Variants in CXCL13 observed in about 807,000 individuals in gnomAD.
CXCL13 encodes the protein C-X-C motif chemokine 13.
Under a neutral mutation model 12.2 loss-of-function variants are expected in CXCL13, and 7 were observed. That is an observed-to-expected ratio of 0.57 (90% CI 0.33 to 1.07). CXCL13 has a LOEUF of 1.07. Ranked by LOEUF, CXCL13 falls within the 50% of genes least tolerant of loss-of-function variation. The pLI, the probability that CXCL13 is intolerant of heterozygous loss-of-function variation, is 0.04. For missense variants in CXCL13, 113 were observed against 127.4 expected (o/e 0.89, Z 0.55); for synonymous variants, 47 against 42.4 (o/e 1.11, Z -0.42).
At chr4:77,519,676 G>T (rs1042351906) in intron 1 of CXCL13, among the ~76,000 whole-genome samples, 3 of 152,110 alleles carry the variant, frequency 2.0e-5, no homozygotes, top group African/African-American at 4.8e-5. Context: ...CCTGTTCACT[G>T]TGATGGTAGT....
chr4:77,600,767 A>G (rs1292121576), intron 1 of CXCL13, among the ~76,000 whole-genome samples: 1 of 152,240 alleles, frequency 6.6e-6, no homozygotes, highest in Non-Finnish European at 1.5e-5. Flanking sequence ...CTCATGCCAG[A>G]GGACCAATAT....
chr4:77,580,308 C>CTTT lies in CXCL13; in HGVS notation c.-42-25481_-42-25479dup, dbSNP rs1015001550. 4.1e-3 allele frequency among the ~76,000 whole-genome samples: 73 copies of CTTT among 17,618 alleles called. 24 individuals are homozygous for CTTT. The highest frequency in any genetic ancestry group is 0.013 in the East Asian group (8 of 624). The allele number at this position is 17,618 out of a possible 152,430, so 11.6% of individuals were successfully genotyped here. A position where few individuals can be genotyped will look rare whatever the true frequency, so the allele number is the denominator to read the frequency against. On this transcript the variant is annotated intron_variant, in intron 1 of 4. Transcript: ENST00000286758. ...TTTTTTAAAAAGACAAGTTTTCTTT[C>CTTT]TTTTTTTTTTTTTTTTTTTTTTTTT...
At chr4:77,513,651 A>T (rs1417276173) in intron 1 of CXCL13, among the ~76,000 whole-genome samples, 1 of 151,842 alleles carries the variant, frequency 6.6e-6, no homozygotes, top group Non-Finnish European at 1.5e-5. Context: ...TCGGGGTTTT[A>T]CCATGTTAGC....
chr4:77,561,415 G>A (rs1725808981), intron 1 of CXCL13, among the ~76,000 whole-genome samples: 1 of 152,164 alleles, frequency 6.6e-6, no homozygotes, highest in Non-Finnish European at 1.5e-5. Context: ...CCTACCATGG[G>A]CCAGCCACAT....
intron 1 of CXCL13, among the ~76,000 whole-genome samples, chr4:77,584,608 T>C (rs1344534820): frequency 6.6e-6 from 1 of 152,222 alleles, no homozygotes; most frequent in Non-Finnish European, 1.5e-5. Flanking sequence ...ATAGAAGCCA[T>C]GGCTGAATTT....
chr4:77,539,860 G>A (rs1725159036), intron 1 of CXCL13, among the ~76,000 whole-genome samples: 1 of 152,062 alleles, frequency 6.6e-6, no homozygotes, highest in African/African-American at 2.4e-5. Flanking sequence ...GTGTGTGGTG[G>A]GGGTAGGGGG....
chr4:77,523,576 C>G (rs780661237), intron 1 of CXCL13, among the ~76,000 whole-genome samples: 24 of 152,192 alleles, frequency 1.6e-4, no homozygotes, highest in Non-Finnish European at 2.8e-4. Context: ...CATTTAATGT[C>G]TTCTCTACAC....
intron 1 of CXCL13, among the ~76,000 whole-genome samples, chr4:77,554,938 G>A (rs143809372): frequency 6.6e-5 from 10 of 151,754 alleles, no homozygotes; most frequent in Non-Finnish European, 1.3e-4. Flanking sequence ...CAGTGATTGG[G>A]GGAAATTTAG....
intron 1 of CXCL13, among the ~76,000 whole-genome samples, chr4:77,533,485 A>G (rs1215381913): frequency 6.6e-6 from 1 of 152,138 alleles, no homozygotes; most frequent in Non-Finnish European, 1.5e-5. Flanking sequence ...GGGGTCAGGG[A>G]CCCACTTGAG....
At chr4:77,518,288 T>A (rs1724479633) in intron 1 of CXCL13, among the ~76,000 whole-genome samples, 1 of 152,218 alleles carries the variant, frequency 6.6e-6, no homozygotes, top group Non-Finnish European at 1.5e-5. Context: ...GTTGCTGTTC[T>A]GGAGGAGTAT....
chr4:77,526,195 G>T (rs950222984), intron 1 of CXCL13, among the ~76,000 whole-genome samples: 23 of 151,336 alleles, frequency 1.5e-4, no homozygotes, highest in African/African-American at 5.1e-4. Context: ...TTTATTTTTT[G>T]GTTAATCAAA....
At chr4:77,523,888 G>T (rs548163205) in intron 1 of CXCL13, among the ~76,000 whole-genome samples, 1 of 152,248 alleles carries the variant, frequency 6.6e-6, no homozygotes, top group South Asian at 2.1e-4. Context: ...CTACAGATGG[G>T]GTTTTGGTGT....
chr4:77,533,797 A>G (rs1452809880), intron 1 of CXCL13, among the ~76,000 whole-genome samples: 1 of 152,184 alleles, frequency 6.6e-6, no homozygotes, highest in Non-Finnish European at 1.5e-5. Flanking sequence ...TGTGCTAGCC[A>G]TGAGCAAGGG....
At chr4:77,585,906 C>T (rs1206605204) in intron 1 of CXCL13, among the ~76,000 whole-genome samples, 3 of 152,154 alleles carry the variant, frequency 2.0e-5, no homozygotes, top group African/African-American at 4.8e-5. Context: ...TTTACCATCA[C>T]AAAGATAATT....
chr4:77,567,614 T>TA lies in CXCL13; in HGVS notation c.-42-38203dup, dbSNP rs142377145. Among the ~76,000 whole-genome samples, 692 of 152,092 alleles carry TA rather than the reference T, an allele frequency of 4.5e-3. 18 individuals are homozygous for TA. Among genetic ancestry groups the TA allele is most frequent in the East Asian group, 0.027 (137 of 5,166 alleles). On this transcript the variant is annotated intron_variant, in intron 1 of 4. Transcript: ENST00000286758. The stretch of plus-strand genomic sequence containing the variant: ...AACCCTCTGATAAAACAAGATGCAG[T>TA]AAAAAAAGCTGGCCAAAACCCACCA...
intron 1 of CXCL13, among the ~76,000 whole-genome samples, chr4:77,546,536 G>A (rs879655959): frequency 3.3e-5 from 5 of 152,212 alleles, no homozygotes; most frequent in Non-Finnish European, 7.3e-5. Context: ...TATTTGTGTA[G>A]AGTTGTGTAT....
chr4:77,588,307 C>T (rs930693941), intron 1 of CXCL13, among the ~76,000 whole-genome samples: 1 of 152,184 alleles, frequency 6.6e-6, no homozygotes, highest in African/African-American at 2.4e-5. Flanking sequence ...CCCATTACTG[C>T]CCCTGAGGCA....
intron 1 of CXCL13, among the ~76,000 whole-genome samples, chr4:77,521,912 C>T (rs1197268372): frequency 6.6e-6 from 1 of 152,124 alleles, no homozygotes; most frequent in African/African-American, 2.4e-5. Context: ...TACATTTTGT[C>T]TTTGTTCTTA....
intron 1 of CXCL13, among the ~76,000 whole-genome samples, chr4:77,529,752 T>C (rs1724859454): frequency 6.6e-6 from 1 of 152,200 alleles, no homozygotes; most frequent in South Asian, 2.1e-4. Flanking sequence ...CTTTTCCTAA[T>C]TGAATACCCT....
Sources: allele counts gnomAD v4.1 joint callset (sites outside exome capture counted in the v4.1 genomes callset), GRCh38; gene constraint gnomAD v4.1.1; transcripts MANE v1.5; gene names NCBI Gene and HGNC (gene_info 2026-07-23, HGNC 2026-07-21).